The following RNF17 variants were observed in gnomAD, a reference collection of about 807,000 sequenced individuals.
The protein encoded by RNF17 is spermatogenesis associated 23.
RNF17 carries 31 observed loss-of-function variants against 200.5 expected under a neutral mutation model. That is an observed-to-expected ratio of 0.15 (90% CI 0.12 to 0.21). RNF17 has a LOEUF of 0.21. RNF17 is among the 10% of genes least tolerant of loss of function. The pLI is 1.00. For missense variants in RNF17, 1,628 were observed against 1,905.1 expected (o/e 0.85, Z 2.71); for synonymous variants, 606 against 637.8 (o/e 0.95, Z 0.75).
At chr13:24,852,312 G>A (rs1892009707) in intron 24 of RNF17, among the ~76,000 whole-genome samples, 1 of 151,968 alleles carries the variant, frequency 6.6e-6, no homozygotes, top group Non-Finnish European at 1.5e-5. Context: ...CTAATTTTTT[G>A]TATTTTTAGT....
chr13:24,881,823 GATACATCTATATAGATAT>G (rs1438842828), downstream of RNF17, among the ~76,000 whole-genome samples: 1 of 131,274 alleles, frequency 7.6e-6, no homozygotes. Flanking sequence ...TATCTATATA[GATACATCTATATAGATAT>G]ATAGATACAT....
At chr13:24,771,570 C>G (rs1425271447) in intron 2 of RNF17, among the ~76,000 whole-genome samples, 1 of 151,176 alleles carries the variant, frequency 6.6e-6, no homozygotes, top group African/African-American at 2.4e-5. Context: ...GATTTTATTG[C>G]ATTTAGCCAT....
intron 9 of RNF17, among the ~76,000 whole-genome samples, chr13:24,790,237 G>T (rs546451221): frequency 1.3e-5 from 2 of 152,172 alleles, no homozygotes; most frequent in East Asian, 3.9e-4. Context: ...TAGAAAGGAG[G>T]AGAAAAAGGA....
downstream of RNF17, among the ~76,000 whole-genome samples, chr13:24,881,365 T>G (rs957308517): frequency 1.3e-5 from 2 of 152,044 alleles, no homozygotes; most frequent in African/African-American, 4.8e-5. Context: ...GGTCTCGAAC[T>G]CCTGACCTCA....
At chr13:24,769,768 G>A (rs1030007132) in intron 2 of RNF17, among the ~76,000 whole-genome samples, 1 of 152,166 alleles carries the variant, frequency 6.6e-6, no homozygotes, top group Non-Finnish European at 1.5e-5. Flanking sequence ...CCTAGGTAAT[G>A]CTGTTTACTT....
chr13:24,862,838 ATAT>A (rs747175819), intron 28 of RNF17, 45 bp downstream of exon 28: 5 of 1,084,754 alleles, frequency 4.6e-6, no homozygotes, highest in Non-Finnish European at 7.1e-6. Flanking sequence ...TTGCCATAAA[ATAT>A]TATAATTAAC....
intron 3 of RNF17, among the ~76,000 whole-genome samples, chr13:24,775,572 T>C (rs2863937): frequency 0.86 from 130,745 of 152,212 alleles, 56,244 homozygotes; most frequent in Middle Eastern, 0.93. Flanking sequence ...TTAAAAGTAG[T>C]GCAAGTATAG....
intron 13 of RNF17, among the ~76,000 whole-genome samples, chr13:24,801,598 G>C (rs1340270843): frequency 6.6e-6 from 1 of 152,086 alleles, no homozygotes; most frequent in African/African-American, 2.4e-5. Context: ...CACCAGTCTG[G>C]GTGACAGAGT....
At chr13:24,844,855 A>AT (rs1329926439) in intron 21 of RNF17, 53 bp downstream of exon 21, 2 of 1,583,758 alleles carry the variant, frequency 1.3e-6, no homozygotes, top group South Asian at 1.1e-5. Context: ...TGCATTTTGT[A>AT]TTTTTTTCCC....
intron 32 of RNF17, 85 bp downstream of exon 32, chr13:24,870,824 T>G: frequency 4.0e-6 from 4 of 1,011,786 alleles, no homozygotes; most frequent in Non-Finnish European, 5.8e-6. Context: ...GGGCTATCTC[T>G]AATGCTGATA....
chr13:24,750,254 A>G, the RNF17 span, among the ~76,000 whole-genome samples: 3 of 152,210 alleles, frequency 2.0e-5, no homozygotes, highest in African/African-American at 7.2e-5. Flanking sequence ...GATTTCTTTA[A>G]CATTCCTTTT....
intron 30 of RNF17, among the ~76,000 whole-genome samples, chr13:24,867,530 C>G (rs1371199347): frequency 1.3e-5 from 2 of 152,106 alleles, no homozygotes; most frequent in Non-Finnish European, 2.9e-5. Context: ...TCAACAGTGG[C>G]TGATCACTTT....
chr13:24,850,392 A>T lies in RNF17; in HGVS notation c.3153A>T (p.Ser1051=). The T allele has an allele frequency of 6.2e-7, 1 of 1,613,738 alleles. No homozygotes were observed. Among genetic ancestry groups the T allele is most frequent in the Non-Finnish European group, 8.5e-7 (1 of 1,179,834 alleles). The change falls in exon 23 of 36, where the codon TCA becomes TCT. Residue 1051 remains serine, a synonymous_variant. Coordinates refer to ENST00000255324, the MANE Select transcript of RNF17 (RefSeq NM_031277.3). ...KWTATACDCL[S]LYLTGAVATI... is the part of the protein sequence containing the mutation. ...CAGCAACAGCTTGTGACTGTCTTTC[A>T]TTGTACCTGACTGGAGCTGTAGCAA...
intron 15 of RNF17, among the ~76,000 whole-genome samples, chr13:24,819,611 A>G (rs1257030821): frequency 1.3e-5 from 2 of 152,258 alleles, no homozygotes; most frequent in East Asian, 1.9e-4. Flanking sequence ...TAATACCAAC[A>G]TAATTTTAAC....
the RNF17 span, among the ~76,000 whole-genome samples, chr13:24,753,427 T>C: frequency 6.6e-6 from 1 of 152,112 alleles, no homozygotes; most frequent in Non-Finnish European, 1.5e-5. Context: ...AGTTTGGTGC[T>C]CAAAGGGCAG....
At chr13:24,850,856 T>C (rs1176313256) in intron 23 of RNF17, among the ~76,000 whole-genome samples, 1 of 152,214 alleles carries the variant, frequency 6.6e-6, no homozygotes, top group Non-Finnish European at 1.5e-5. Flanking sequence ...TAACTGATGT[T>C]GTATTCCTCA....
chr13:24,748,835 C>T, the RNF17 span, among the ~76,000 whole-genome samples: 215 of 152,008 alleles, frequency 1.4e-3, no homozygotes, highest in African/African-American at 4.5e-3. Flanking sequence ...CTGCAACCTC[C>T]GCCTCCCGGG....
chr13:24,882,143 T>G (rs1220353530), downstream of RNF17: 3 of 3,390 alleles, frequency 8.8e-4, 1 homozygote, highest in African/African-American at 1.3e-3. Flanking sequence ...GATAGATACA[T>G]CTATATAGAT....
At chr13:24,799,197 C>T (rs74042515) in intron 11 of RNF17, among the ~76,000 whole-genome samples, 198 bp from the exon 12 acceptor site, 6,661 of 152,114 alleles carry the variant, frequency 0.044, 458 homozygotes, top group African/African-American at 0.15. Flanking sequence ...GTTTATCTCC[C>T]TATTTAGCTT....
Sources: gnomAD v4.1 joint callset for allele counts (sites outside exome capture counted in the v4.1 genomes callset) on GRCh38, gnomAD v4.1.1 for gene constraint, MANE v1.5 for transcripts, NCBI Gene and HGNC (gene_info 2026-07-23, HGNC 2026-07-21) for gene names.